Variants in NEGR1 observed in about 807,000 individuals in gnomAD.
The protein encoded by NEGR1 is IgLON family member 4.
In NEGR1, 10 loss-of-function variants were observed where a neutral mutation model predicts 40.9. The ratio of observed to expected loss-of-function variants is 0.24; its 90% CI spans 0.15 to 0.42. The LOEUF (loss-of-function observed/expected upper bound fraction) is 0.42, where lower values mean the gene tolerates loss of function less well. NEGR1 is among the 10% of genes least tolerant of loss of function. The probability of loss-of-function intolerance (pLI) is 1.00; values close to 1 mark genes in which losing one functional copy is unlikely to be tolerated. For synonymous variants in NEGR1, 185 were observed against 166.8 expected (o/e 1.11, Z -0.84); for missense variants, 352 against 438.9 (o/e 0.80, Z 1.77).
chr1:71,635,696 T>A (rs879346907), intron 4 of NEGR1, among the ~76,000 whole-genome samples: 27 of 152,088 alleles, frequency 1.8e-4, no homozygotes, highest in Admixed American at 4.6e-4. Flanking sequence ...TGGAGTTTGA[T>A]AAGCTCTTCA....
intron 3 of NEGR1, among the ~76,000 whole-genome samples, chr1:71,756,394 CA>C (rs1293104436): frequency 1.7e-5 from 1 of 58,644 alleles, no homozygotes; most frequent in Admixed American, 2.1e-4. Flanking sequence ...CTCAAAAAAA[CA>C]AAAAACAAAA....
intron 2 of NEGR1, among the ~76,000 whole-genome samples, chr1:71,803,786 G>T (rs915544199): frequency 2.0e-5 from 3 of 152,084 alleles, no homozygotes; most frequent in African/African-American, 7.2e-5. Context: ...TTACTTATAT[G>T]TTTTGTTTCT....
At chr1:72,124,781 T>C (rs1649946299) in intron 1 of NEGR1, among the ~76,000 whole-genome samples, 1 of 152,076 alleles carries the variant, frequency 6.6e-6, no homozygotes, top group Non-Finnish European at 1.5e-5. Context: ...AATAAAAAAC[T>C]GAGGATGACT....
chr1:71,440,236 G>C (rs1646537741), intron 6 of NEGR1, among the ~76,000 whole-genome samples: 1 of 152,134 alleles, frequency 6.6e-6, no homozygotes, highest in South Asian at 2.1e-4. Context: ...CACTAAAACT[G>C]ATGATTTACT....
At chr1:71,975,734 C>A (rs973370349) in intron 1 of NEGR1, among the ~76,000 whole-genome samples, 14 of 152,154 alleles carry the variant, frequency 9.2e-5, no homozygotes, top group African/African-American at 3.4e-4. Context: ...AGCTATTCGC[C>A]ATGCGACTGA....
At chr1:72,279,566 C>G (rs776685161) in intron 1 of NEGR1, among the ~76,000 whole-genome samples, 12 of 152,032 alleles carry the variant, frequency 7.9e-5, no homozygotes, top group Non-Finnish European at 1.6e-4. Flanking sequence ...TTTGATGGGA[C>G]AAGGGCATAT....
chr1:72,220,429 T>C (rs1462818012), intron 1 of NEGR1, among the ~76,000 whole-genome samples: 2 of 151,964 alleles, frequency 1.3e-5, no homozygotes, highest in Admixed American at 1.3e-4. Flanking sequence ...CCTCTTCTCT[T>C]CCCTCTTCCT....
intron 4 of NEGR1, among the ~76,000 whole-genome samples, chr1:71,679,562 T>G (rs1652762423): frequency 6.6e-6 from 1 of 152,088 alleles, no homozygotes; most frequent in African/African-American, 2.4e-5. Flanking sequence ...TTGAAATAAT[T>G]TTTTTTGGTT....
intron 6 of NEGR1, among the ~76,000 whole-genome samples, chr1:71,501,352 G>A (rs983930668): frequency 6.6e-5 from 10 of 151,996 alleles, no homozygotes; most frequent in Non-Finnish European, 1.0e-4. Context: ...AACTTTAATC[G>A]TATGAAGCAA....
At chr1:72,247,210 T>A (rs1654930939) in intron 1 of NEGR1, among the ~76,000 whole-genome samples, 1 of 152,212 alleles carries the variant, frequency 6.6e-6, no homozygotes, top group Non-Finnish European at 1.5e-5. Flanking sequence ...CCTTGCTCCC[T>A]TTTGGTTATG....
chr1:72,079,295 T>C (rs879290379), intron 1 of NEGR1, among the ~76,000 whole-genome samples: 1 of 151,972 alleles, frequency 6.6e-6, no homozygotes, highest in Non-Finnish European at 1.5e-5. Context: ...CTAAGCTTCA[T>C]AAACAACTAT....
intron 3 of NEGR1, among the ~76,000 whole-genome samples, chr1:71,761,716 C>A (rs1655948006): frequency 6.6e-6 from 1 of 151,882 alleles, no homozygotes; most frequent in South Asian, 2.1e-4. Context: ...ACCAAAATAT[C>A]CTTCAGAAAT....
intron 6 of NEGR1, among the ~76,000 whole-genome samples, chr1:71,476,481 T>C (rs1464812357): frequency 6.6e-6 from 1 of 152,126 alleles, no homozygotes. Context: ...AGATAATCTT[T>C]GTTTGCCTGG....
At chr1:72,143,892 A>G (rs1570034977) in intron 1 of NEGR1, among the ~76,000 whole-genome samples, 1 of 96,748 alleles carries the variant, frequency 1.0e-5, no homozygotes, top group African/African-American at 4.2e-5. Context: ...TCATATATAT[A>G]TATTATATAT....
intron 6 of NEGR1, among the ~76,000 whole-genome samples, chr1:71,500,831 T>C (rs1646993820): frequency 2.0e-5 from 3 of 152,094 alleles, no homozygotes; most frequent in Admixed American, 2.0e-4. Flanking sequence ...TAATATCTAA[T>C]AAAATGTGCA....
intron 4 of NEGR1, among the ~76,000 whole-genome samples, chr1:71,695,367 G>A (rs1217235622): frequency 6.6e-6 from 1 of 151,578 alleles, no homozygotes; most frequent in East Asian, 1.9e-4. Context: ...AAATCCTGTT[G>A]GGTCTATTTT....
At chr1:71,729,834 T>G (rs1762722) in intron 3 of NEGR1, among the ~76,000 whole-genome samples, 69,210 of 150,170 alleles carry the variant, frequency 0.46, 16,316 homozygotes, top group East Asian at 0.77. Context: ...TTTTGTTTTG[T>G]TTTTTGGTTT....
intron 1 of NEGR1, among the ~76,000 whole-genome samples, chr1:72,100,151 TA>T (rs1233112289): frequency 6.6e-6 from 1 of 152,106 alleles, no homozygotes; most frequent in Non-Finnish European, 1.5e-5. Context: ...TTCTGAAGAA[TA>T]AAAAGACAGA....
intron 1 of NEGR1, among the ~76,000 whole-genome samples, chr1:71,992,077 G>A (rs1158086740): frequency 1.3e-5 from 2 of 152,042 alleles, no homozygotes; most frequent in Admixed American, 1.3e-4. Context: ...TTACAGGTGT[G>A]AGCCGCTGTG....
Sources: gnomAD v4.1 joint callset for allele counts (sites outside exome capture counted in the v4.1 genomes callset) on GRCh38, gnomAD v4.1.1 for gene constraint, MANE v1.5 for transcripts, NCBI Gene and HGNC (gene_info 2026-07-23, HGNC 2026-07-21) for gene names.